The following JPH3 variants were observed in gnomAD, a reference collection of about 807,000 sequenced individuals.
JPH3 encodes the protein junctophilin-3.
In JPH3, 11 loss-of-function variants were observed where a neutral mutation model predicts 59.6. That is an observed-to-expected ratio of 0.18 (90% CI 0.12 to 0.31). The LOEUF is 0.31. JPH3 is among the 10% of genes least tolerant of loss of function. The pLI, the probability that JPH3 is intolerant of heterozygous loss-of-function variation, is 1.00. For missense variants in JPH3, 1,202 were observed against 1,105.7 expected (o/e 1.09, Z -1.24); for synonymous variants, 673 against 483.6 (o/e 1.39, Z -5.14).
At chr16:87,677,185 T>TATATACAC (rs1491266129) in intron 2 of JPH3, among the ~76,000 whole-genome samples, 42 of 95,196 alleles carry the variant, frequency 4.4e-4, no homozygotes, top group African/African-American at 9.0e-4. Context: ...TATATATATA[T>TATATACAC]ACACACACAC....
chr16:87,662,861 G>C (rs2032749078), intron 2 of JPH3, among the ~76,000 whole-genome samples: 1 of 152,218 alleles, frequency 6.6e-6, no homozygotes, highest in Non-Finnish European at 1.5e-5. Flanking sequence ...CTCCCTACCT[G>C]AAACCTTTCA....
chr16:87,651,494 G>A (rs75052721), intron 2 of JPH3, among the ~76,000 whole-genome samples: 156 of 152,284 alleles, frequency 1.0e-3, no homozygotes, highest in Non-Finnish European at 1.8e-3. Context: ...AAGAACATTC[G>A]TGATTCAAGG....
intron 1 of JPH3, among the ~76,000 whole-genome samples, chr16:87,634,866 G>C (rs7206657): frequency 0.25 from 38,256 of 152,210 alleles, 5,384 homozygotes; most frequent in Non-Finnish European, 0.33. Context: ...TCAGCTCAGC[G>C]TAGGTTTCAG....
At chr16:87,692,655 G>C (rs1295099791) in intron 4 of JPH3, among the ~76,000 whole-genome samples, 3 of 152,158 alleles carry the variant, frequency 2.0e-5, no homozygotes, top group African/African-American at 7.2e-5. Flanking sequence ...GCAATTCAGG[G>C]TAAAGTCCCT....
chr16:87,644,125 G>GAGA (rs1337532033), intron 1 of JPH3, 133 bp from the exon 2 acceptor site: 32 of 961,854 alleles, frequency 3.3e-5, no homozygotes, highest in South Asian at 2.9e-4. Context: ...GCAACACAGC[G>GAGA]AGAACCTGTC....
rs2033963340 is a variant in JPH3, at chr16:87,697,892, C to G, written c.*1232C>G. 1 of 152,488 alleles carries G rather than the reference C, an allele frequency of 6.6e-6. No individual in the cohort carries two copies. The highest frequency in any genetic ancestry group is 1.5e-5 in the Non-Finnish European group (1 of 68,050). The allele number at this position is 152,488 out of a possible 1,614,324, so 9.4% of individuals were successfully genotyped here. On this transcript the variant is annotated 3_prime_UTR_variant, in exon 5 of 5. Transcript: ENST00000284262. ...CAAGGTTTGCCAGGATGTCCGAGTGCCCCCTGGCCCTGGCTCTCGTGTGCA... is the reference window on the plus strand; with the variant it reads ...CAAGGTTTGCCAGGATGTCCGAGTGGCCCCTGGCCCTGGCTCTCGTGTGCA...
intron 1 of JPH3, among the ~76,000 whole-genome samples, chr16:87,613,086 T>C (rs1262251255): frequency 7.0e-6 from 1 of 143,100 alleles, no homozygotes; most frequent in East Asian, 2.0e-4. Flanking sequence ...CCTACGTTTC[T>C]TTCTTTCTCT....
At position 87,644,779 on chromosome 16, in the gene JPH3, G is replaced by T; in HGVS notation, c.904G>T (p.Val302Leu). The change falls in exon 2 of 5, where the codon GTG (valine) becomes TTG (leucine). Residue 302 changes from valine to leucine, a missense_variant. Transcript: ENST00000284262. ...GAACGACAAACGCTCCGGCTTCGGC[G>T]TGAGCCAGCGCTCGGACGGGCTCAA... Reference protein sequence around the residue: ...WKNDKRSGFGVSQRSDGLKYE... With the variant: ...WKNDKRSGFGLSQRSDGLKYE... 1 of 1,613,238 alleles carries T rather than the reference G, an allele frequency of 6.2e-7. No homozygotes were observed. Among genetic ancestry groups the T allele is most frequent in the Non-Finnish European group, 8.5e-7 (1 of 1,179,858 alleles).
intron 1 of JPH3, among the ~76,000 whole-genome samples, chr16:87,624,670 G>A (rs1239114188): frequency 6.6e-6 from 1 of 152,242 alleles, no homozygotes; most frequent in Non-Finnish European, 1.5e-5. Context: ...TCGTGCTGCT[G>A]TGACCATTTG....
Position 87,688,442 on chromosome 16 carries a change from C to G in JPH3, c.1286-1204C>G, listed in dbSNP as rs117756316. 1.6e-3 allele frequency among the ~76,000 whole-genome samples: 215 copies of G among 133,180 alleles called. 2 individuals carry two copies. The highest frequency in any genetic ancestry group is 0.011 in the East Asian group (59 of 5,178). The allele number at this position is 133,180 out of a possible 152,430, so 87.4% of individuals were successfully genotyped here. ...GGTGCCACACCGAGGGTAGCCATGT[C>G]TCCCAGACCTTCTCCTGCCAAAAGG... is the stretch of plus-strand genomic sequence containing the variant. On this transcript the variant is annotated intron_variant, in intron 3 of 4. Transcript: ENST00000284262.
At chr16:87,688,231 A>G (rs778279118) in intron 3 of JPH3, among the ~76,000 whole-genome samples, 3 of 151,830 alleles carry the variant, frequency 2.0e-5, no homozygotes, top group Non-Finnish European at 2.9e-5. Flanking sequence ...CAGACTTGGG[A>G]GGGCTGGCCA....
intron 1 of JPH3, among the ~76,000 whole-genome samples, chr16:87,617,188 A>T (rs532107612): frequency 6.6e-6 from 1 of 152,244 alleles, no homozygotes; most frequent in East Asian, 1.9e-4. Context: ...GCGCCGTTGC[A>T]CTCCAGCCTG....
At chr16:87,668,175 C>T (rs375515039) in intron 2 of JPH3, among the ~76,000 whole-genome samples, 9 of 152,336 alleles carry the variant, frequency 5.9e-5, no homozygotes, top group African/African-American at 1.9e-4. Context: ...CCCCTCCAGC[C>T]GCTCCGGGTC....
upstream of JPH3, among the ~76,000 whole-genome samples, chr16:87,602,470 C>CGCGG (rs1198198763): frequency 9.2e-6 from 1 of 109,036 alleles, no homozygotes; most frequent in Admixed American, 8.3e-5. Context: ...GGCGGGGGCG[C>CGCGG]GCGGGCGGGC....
At chr16:87,613,157 C>A (rs1238753493) in intron 1 of JPH3, among the ~76,000 whole-genome samples, 11 of 139,116 alleles carry the variant, frequency 7.9e-5, no homozygotes, top group Admixed American at 2.3e-4. Flanking sequence ...AGTGCAGTGG[C>A]GCGATCTCGG....
intron 4 of JPH3, chr16:87,695,800 A>T (rs1421193805): frequency 2.2e-6 from 1 of 456,054 alleles, no homozygotes; most frequent in Admixed American, 2.3e-5. Context: ...GCGCCCCCGG[A>T]AAAGGCTCTG....
chr16:87,697,220 C>G lies in JPH3; in HGVS notation c.*560C>G, dbSNP rs72810190. On this transcript the variant is annotated 3_prime_UTR_variant, in exon 5 of 5. Coordinates refer to ENST00000284262, the MANE Select transcript of JPH3 (RefSeq NM_020655.4). The stretch of plus-strand genomic sequence containing the variant: ...TTCTGTGTGAGATCTGTGCTGCACA[C>G]CTGAGGGAGGGGGAGGGATCGGCCA... The G allele has an allele frequency of 0.079, 12,342 of 156,340 alleles. 702 individuals carry two copies. The highest frequency in any genetic ancestry group is 0.11 in the Non-Finnish European group (7,561 of 70,290). 9.7% of individuals were successfully genotyped at this position (156,340 alleles called of 1,614,324 possible).
intron 2 of JPH3, among the ~76,000 whole-genome samples, chr16:87,664,318 T>C (rs8048493): frequency 0.34 from 43,333 of 128,956 alleles, 6,786 homozygotes; most frequent in African/African-American, 0.43. Flanking sequence ...GGCGACAGAA[T>C]GAGACTCTGT....
intron 2 of JPH3, among the ~76,000 whole-genome samples, chr16:87,659,556 C>T (rs1466918747): frequency 6.6e-6 from 1 of 151,914 alleles, no homozygotes; most frequent in East Asian, 1.9e-4. Context: ...AATTCCATCT[C>T]TACTAAAAAT....
Sources: gnomAD v4.1 joint callset for allele counts (sites outside exome capture counted in the v4.1 genomes callset) on GRCh38, gnomAD v4.1.1 for gene constraint, MANE v1.5 for transcripts, NCBI Gene and HGNC (gene_info 2026-07-23, HGNC 2026-07-21) for gene names.